KCNAB1: variants seen among roughly 807,000 people sequenced by gnomAD.
The protein encoded by KCNAB1 is voltage-gated potassium channel subunit beta-1.
KCNAB1 carries 35 observed loss-of-function variants against 64.6 expected under a neutral mutation model. That is an observed-to-expected ratio of 0.54 (90% CI 0.41 to 0.72). KCNAB1 has a LOEUF of 0.72. Among genes scored for constraint, KCNAB1 ranks in the 30% least tolerant of loss-of-function variants. The probability of loss-of-function intolerance (pLI) is 0.00; values close to 1 mark genes in which losing one functional copy is unlikely to be tolerated. For missense variants in KCNAB1, 401 were observed against 512.9 expected (o/e 0.78, Z 2.11); for synonymous variants, 177 against 183.8 (o/e 0.96, Z 0.30).
At chr3:156,423,605 T>A (rs1166486145) in intron 2 of KCNAB1, among the ~76,000 whole-genome samples, 1 of 152,208 alleles carries the variant, frequency 6.6e-6, no homozygotes, top group Non-Finnish European at 1.5e-5. Flanking sequence ...AGGATCAGCT[T>A]AAGATCAGTA....
chr3:156,127,969 G>A (rs1039778043), intron 1 of KCNAB1, among the ~76,000 whole-genome samples: 5 of 151,622 alleles, frequency 3.3e-5, no homozygotes, highest in African/African-American at 1.2e-4. Context: ...ACACCTGGAA[G>A]GCAGTGCCTC....
chr3:156,188,009 G>C (rs1713311624), intron 1 of KCNAB1, among the ~76,000 whole-genome samples: 1 of 152,206 alleles, frequency 6.6e-6, no homozygotes, highest in East Asian at 1.9e-4. Context: ...GGCAATATGG[G>C]ACCCTTGGTG....
chr3:156,499,217 A>C (rs1716212605), intron 8 of KCNAB1, among the ~76,000 whole-genome samples: 1 of 152,212 alleles, frequency 6.6e-6, no homozygotes, highest in South Asian at 2.1e-4. Flanking sequence ...TTTTGATGGG[A>C]AATCATGAGG....
chr3:156,489,385 T>C (rs187754971), intron 8 of KCNAB1, among the ~76,000 whole-genome samples: 2 of 151,314 alleles, frequency 1.3e-5, no homozygotes, highest in African/African-American at 4.8e-5. Flanking sequence ...ATGTTACCGA[T>C]AGGTCAAGTA....
At chr3:156,134,640 G>A (rs1391966230) in intron 1 of KCNAB1, among the ~76,000 whole-genome samples, 1 of 152,216 alleles carries the variant, frequency 6.6e-6, no homozygotes, top group African/African-American at 2.4e-5. Flanking sequence ...AATGTCAAAT[G>A]CTGAAATTAC....
At position 156,515,179 on chromosome 3, in the gene KCNAB1, A is replaced by G; in HGVS notation, c.824A>G (p.Glu275Gly). ...GCTGAGTACCATCTTTTCCAGAGAG[A>G]GAAAGTGGAGGTCCAGCTGCCAGAG... Reference protein sequence around the residue: ...EQAEYHLFQREKVEVQLPELY... With the variant: ...EQAEYHLFQRGKVEVQLPELY... Residue 275 changes from glutamate to glycine, a missense_variant, in exon 10 of 14, where the codon GAG (glutamate) becomes GGG (glycine). Glu to Gly is a moderately conservative substitution (Grantham distance 98). Coordinates refer to ENST00000490337, the MANE Select transcript of KCNAB1 (RefSeq NM_172160.3). 6.2e-7 allele frequency: 1 copy of G among 1,613,468 alleles called. No individual in the cohort carries two copies. The highest frequency in any genetic ancestry group is 2.2e-5 in the East Asian group (1 of 44,848).
At chr3:156,485,889 C>T (rs912189503) in intron 8 of KCNAB1, among the ~76,000 whole-genome samples, 2 of 152,136 alleles carry the variant, frequency 1.3e-5, no homozygotes, top group East Asian at 3.9e-4. Context: ...TAGCCTCCAG[C>T]TCCGCCCATG....
At chr3:156,490,071 T>G (rs1479668916) in intron 8 of KCNAB1, among the ~76,000 whole-genome samples, 1 of 152,044 alleles carries the variant, frequency 6.6e-6, no homozygotes, top group Non-Finnish European at 1.5e-5. Context: ...AGCTGAGAGA[T>G]ATCAGGCACA....
intron 1 of KCNAB1, among the ~76,000 whole-genome samples, chr3:156,230,081 A>C (rs967931946): frequency 5.9e-5 from 9 of 152,342 alleles, no homozygotes; most frequent in African/African-American, 2.2e-4. Flanking sequence ...AGCATGAGGC[A>C]AAACAATACT....
intron 1 of KCNAB1, chr3:156,217,041 T>C (rs1715366452): frequency 6.6e-6 from 1 of 152,192 alleles, no homozygotes; most frequent in Non-Finnish European, 1.5e-5. Context: ...CAAGGCAGGC[T>C]GTAGAGATGA....
At chr3:156,366,516 G>T (rs1725957147) in intron 1 of KCNAB1, among the ~76,000 whole-genome samples, 1 of 152,218 alleles carries the variant, frequency 6.6e-6, no homozygotes, top group Non-Finnish European at 1.5e-5. Flanking sequence ...TGTGGGGCTT[G>T]ATAAAGTCAG....
chr3:156,212,895 C>G (rs2108397169), intron 1 of KCNAB1, among the ~76,000 whole-genome samples: 1 of 152,078 alleles, frequency 6.6e-6, no homozygotes, highest in South Asian at 2.1e-4. Flanking sequence ...GTGACCGTGT[C>G]AGCTAGATAG....
chr3:156,434,219 C>T (rs16826126), intron 2 of KCNAB1, among the ~76,000 whole-genome samples: 8,023 of 152,246 alleles, frequency 0.053, 684 homozygotes, highest in African/African-American at 0.18. Flanking sequence ...CCAGGAGTCA[C>T]TTGGCCAGAT....
chr3:156,295,520 T>G (rs1290993877), intron 1 of KCNAB1, among the ~76,000 whole-genome samples: 2 of 152,224 alleles, frequency 1.3e-5, no homozygotes, highest in Non-Finnish European at 2.9e-5. Context: ...AAGGCACTAT[T>G]ATATTCACAC....
chr3:156,386,268 T>C (rs1444807947), intron 1 of KCNAB1, among the ~76,000 whole-genome samples: 9 of 152,180 alleles, frequency 5.9e-5, no homozygotes, highest in African/African-American at 2.2e-4. Flanking sequence ...CGCTGGCCCC[T>C]TTTCCATGAT....
At chr3:156,413,870 C>T (rs938559442) in intron 1 of KCNAB1, among the ~76,000 whole-genome samples, 1 of 152,172 alleles carries the variant, frequency 6.6e-6, no homozygotes. Flanking sequence ...GGGAAATAAT[C>T]TCGTACACAA....
intron 1 of KCNAB1, among the ~76,000 whole-genome samples, chr3:156,311,707 T>C (rs115074305): frequency 0.014 from 2,150 of 152,194 alleles, 20 homozygotes; most frequent in South Asian, 0.031. Context: ...CTTAGGAAGA[T>C]GGCTGGTGTG....
intron 1 of KCNAB1, among the ~76,000 whole-genome samples, chr3:156,281,642 C>A (rs987902879): frequency 1.6e-4 from 24 of 152,086 alleles, no homozygotes; most frequent in African/African-American, 4.8e-4. Flanking sequence ...ACAATTTCAG[C>A]TCCTGTTATT....
chr3:156,306,138 G>A (rs1268306303), intron 1 of KCNAB1, among the ~76,000 whole-genome samples: 1 of 152,174 alleles, frequency 6.6e-6, no homozygotes, highest in Non-Finnish European at 1.5e-5. Flanking sequence ...GGTTAGTATT[G>A]ATCAATTAAA....
Sources: allele counts gnomAD v4.1 joint callset (sites outside exome capture counted in the v4.1 genomes callset), GRCh38; gene constraint gnomAD v4.1.1; transcripts MANE v1.5; gene names NCBI Gene and HGNC (gene_info 2026-07-23, HGNC 2026-07-21).